The following GNG4 variants were observed in gnomAD, a reference collection of about 807,000 sequenced individuals.
GNG4 encodes the protein G protein subunit gamma 4, also known as guanine nucleotide-binding protein G(I)/G(S)/G(O) subunit gamma-4.
In GNG4, 4 loss-of-function variants were observed where a neutral mutation model predicts 5.8. That is an observed-to-expected ratio of 0.69 (90% CI 0.34 to 1.57). The LOEUF (loss-of-function observed/expected upper bound fraction) is 1.57, where lower values mean the gene tolerates loss of function less well. GNG4 is among the 40% of genes most tolerant of loss of function. GNG4 has a pLI of 0.06. For synonymous variants in GNG4, 29 were observed against 32.9 expected (o/e 0.88, Z 0.41); for missense variants, 96 against 95.1 (o/e 1.01, Z -0.04).
chr1:235,591,817 G>A (rs1427612355), intron 2 of GNG4, among the ~76,000 whole-genome samples: 1 of 152,186 alleles, frequency 6.6e-6, no homozygotes, highest in African/African-American at 2.4e-5. Flanking sequence ...TTTCTTCCCA[G>A]GTATACAGGA....
chr1:235,562,675 AAAAAAAAAAAG>A (rs1472637628), intron 3 of GNG4, among the ~76,000 whole-genome samples: 1 of 125,702 alleles, frequency 8.0e-6, no homozygotes, highest in Non-Finnish European at 1.7e-5. Flanking sequence ...AAAAAAAAGA[AAAAAAAAAAAG>A]AAGAAAATTT....
chr1:235,585,364 TGAGTA>T (rs1687734405), intron 2 of GNG4, among the ~76,000 whole-genome samples: 1 of 152,160 alleles, frequency 6.6e-6, no homozygotes, highest in Non-Finnish European at 1.5e-5. Context: ...CTCAGCCTCC[TGAGTA>T]GCTGAGACTA....
intron 2 of GNG4, among the ~76,000 whole-genome samples, chr1:235,589,495 C>T (rs1480777197): frequency 6.6e-6 from 1 of 152,200 alleles, no homozygotes; most frequent in Non-Finnish European, 1.5e-5. Flanking sequence ...AGTAAAACTA[C>T]ATTTCACCTG....
chr1:235,606,857 G>T (rs534360864), intron 1 of GNG4, among the ~76,000 whole-genome samples: 3 of 152,098 alleles, frequency 2.0e-5, no homozygotes, highest in East Asian at 1.9e-4. Context: ...AGCATGGGGG[G>T]GCGAGCAGAG....
chr1:235,609,539 T>A (rs1372913056), intron 1 of GNG4, among the ~76,000 whole-genome samples: 1 of 151,314 alleles, frequency 6.6e-6, no homozygotes, highest in Non-Finnish European at 1.5e-5. Flanking sequence ...TCATTTACTT[T>A]AAAAAAAAAG....
At chr1:235,601,133 T>C (rs1688249266) in intron 1 of GNG4, among the ~76,000 whole-genome samples, 1 of 152,218 alleles carries the variant, frequency 6.6e-6, no homozygotes, top group African/African-American at 2.4e-5. Context: ...AACAACTTCC[T>C]TACTTTGAGA....
At chr1:235,618,600 C>T (rs1018645988) in intron 1 of GNG4, among the ~76,000 whole-genome samples, 12 of 151,832 alleles carry the variant, frequency 7.9e-5, no homozygotes, top group Non-Finnish European at 1.0e-4. Context: ...CAAACTGATT[C>T]GTGTGCATGA....
At chr1:235,574,200 G>A (rs552971203) in intron 3 of GNG4, among the ~76,000 whole-genome samples, 3 of 152,196 alleles carry the variant, frequency 2.0e-5, no homozygotes, top group African/African-American at 4.8e-5. Context: ...GTGAAACCCC[G>A]TCTCTACTAG....
chr1:235,567,970 G>C (rs931042741), intron 3 of GNG4, among the ~76,000 whole-genome samples: 1 of 152,028 alleles, frequency 6.6e-6, no homozygotes, highest in African/African-American at 2.4e-5. Flanking sequence ...CCACAAACAG[G>C]CCCTTGCACA....
intron 1 of GNG4, among the ~76,000 whole-genome samples, chr1:235,595,993 T>G (rs1688113190): frequency 6.8e-6 from 1 of 147,590 alleles, no homozygotes; most frequent in Non-Finnish European, 1.5e-5. Flanking sequence ...GCTAACTGGG[T>G]GAAACCCCGT....
At chr1:235,607,509 C>G (rs965888393) in intron 1 of GNG4, among the ~76,000 whole-genome samples, 1 of 152,302 alleles carries the variant, frequency 6.6e-6, no homozygotes, top group South Asian at 2.1e-4. Context: ...CCGCCTACAG[C>G]GGAAAGCATG....
intron 2 of GNG4, among the ~76,000 whole-genome samples, chr1:235,587,946 A>T (rs1687864107): frequency 6.8e-6 from 1 of 147,732 alleles, no homozygotes; most frequent in Non-Finnish European, 1.5e-5. Context: ...ATGTGTGCAC[A>T]TGTGCACAGG....
At chr1:235,601,211 C>G (rs1255203707) in intron 1 of GNG4, among the ~76,000 whole-genome samples, 1 of 152,176 alleles carries the variant, frequency 6.6e-6, no homozygotes, top group Non-Finnish European at 1.5e-5. Flanking sequence ...GGTGGGCTGA[C>G]ATCTGAAATA....
At chr1:235,586,181 CT>C (rs1171419757) in intron 2 of GNG4, among the ~76,000 whole-genome samples, 1 of 152,210 alleles carries the variant, frequency 6.6e-6, no homozygotes, top group African/African-American at 2.4e-5. Flanking sequence ...TAGTTTGGAA[CT>C]TTAACTCAAC....
intron 3 of GNG4, among the ~76,000 whole-genome samples, chr1:235,572,186 C>CAT (rs58511700): frequency 0.74 from 111,689 of 151,852 alleles, 42,378 homozygotes; most frequent in African/African-American, 0.92. Flanking sequence ...AACAGCTAAA[C>CAT]AGAAAAGGTA....
At chr1:235,587,238 A>AGGGTGTGG (rs58765941) in intron 2 of GNG4, among the ~76,000 whole-genome samples, 76,761 of 114,206 alleles carry the variant, frequency 0.67, 25,904 homozygotes, top group East Asian at 0.84. Context: ...TGAGTGTGTG[A>AGGGTGTGG]GGTGGGGTGT....
chr1:235,628,970 G>A (rs906354283), intron 1 of GNG4, among the ~76,000 whole-genome samples: 3 of 150,430 alleles, frequency 2.0e-5, no homozygotes, highest in Non-Finnish European at 4.4e-5. Flanking sequence ...CCTTGGAAGC[G>A]ATAAAGTCAA....
intron 3 of GNG4, among the ~76,000 whole-genome samples, chr1:235,581,478 G>A (rs7534424): frequency 0.033 from 4,917 of 150,502 alleles, 273 homozygotes; most frequent in African/African-American, 0.11. Context: ...GCAGTGAGCC[G>A]AGATCACACC....
intron 1 of GNG4, among the ~76,000 whole-genome samples, chr1:235,606,902 GCTTC>G (rs934718649): frequency 4.6e-5 from 7 of 151,042 alleles, no homozygotes; most frequent in South Asian, 2.1e-4. Flanking sequence ...CCAGTAGCTA[GCTTC>G]CTTCCTTCCT....
Sources: allele counts gnomAD v4.1 joint callset (sites outside exome capture counted in the v4.1 genomes callset), GRCh38; gene constraint gnomAD v4.1.1; transcripts MANE v1.5; gene names NCBI Gene and HGNC (gene_info 2026-07-23, HGNC 2026-07-21).